Variants in FBN1 observed in about 807,000 individuals in gnomAD.
The protein encoded by FBN1 is fibrillin-1.
In FBN1, 29 loss-of-function variants were observed where a neutral mutation model predicts 365.1. That is an observed-to-expected ratio of 0.08 (90% CI 0.06 to 0.11). FBN1 has a LOEUF of 0.11. Ranked by LOEUF, FBN1 falls within the 10% of genes least tolerant of loss-of-function variation. The pLI, the probability that FBN1 is intolerant of heterozygous loss-of-function variation, is 1.00. For missense variants in FBN1, 2,476 were observed against 3,703.2 expected (o/e 0.67, Z 8.60); for synonymous variants, 1,210 against 1,270.5 (o/e 0.95, Z 1.01).
rs140630 is a variant in FBN1, at chr15:48,465,580, G to A, written c.4930C>T (p.Arg1644Ter). The A allele has an allele frequency of 6.2e-7, 1 of 1,614,062 alleles. No homozygotes were observed. Among genetic ancestry groups the A allele is most frequent in the Non-Finnish European group, 8.5e-7 (1 of 1,179,956 alleles). The change falls in exon 40 of 66, where the codon CGA (arginine) becomes TGA (stop). Residue 1644 changes from arginine to a stop codon, truncating the protein, a stop_gained. Coordinates refer to ENST00000316623, the MANE Select transcript of FBN1 (RefSeq NM_000138.5). LOFTEE classifies it high-confidence loss of function. ...PTGYYLNEDT[R>*]VCDDVNECET... ...CAGGACCATTTACCATCACACACTC[G>A]TGTATCTTCATTCAGGTAGTAGCCG...
At position 48,483,959 on chromosome 15, in the gene FBN1, C is replaced by T. The variant is rs2043485914; in HGVS notation, c.3713-16G>A. On this transcript the variant is annotated splice_polypyrimidine_tract_variant and intron_variant, in intron 30 of 65. Coordinates refer to ENST00000316623, the MANE Select transcript of FBN1 (RefSeq NM_000138.5). ...TCATCGATGTCTGCAAAGAATAAAA[C>T]CAACAACCACAGGTTGTTGATATTG... 2.5e-6 allele frequency: 4 copies of T among 1,611,316 alleles called. No homozygotes were observed. Among genetic ancestry groups the T allele is most frequent in the Non-Finnish European group, 3.4e-6 (4 of 1,179,766 alleles).
At chr15:48,550,834 A>G (rs568400090) in intron 6 of FBN1, among the ~76,000 whole-genome samples, 2 of 152,286 alleles carry the variant, frequency 1.3e-5, no homozygotes, top group South Asian at 4.2e-4. Context: ...ACTCCATGGT[A>G]AACTCTCACT....
At chr15:48,511,759 T>G (rs1454118102) in intron 13 of FBN1, among the ~76,000 whole-genome samples, 1 of 152,232 alleles carries the variant, frequency 6.6e-6, no homozygotes, top group Non-Finnish European at 1.5e-5. Context: ...AAGAAGGCAG[T>G]GCTTTAAGTA....
At chr15:48,602,537 G>A (rs1169868705) in intron 4 of FBN1, among the ~76,000 whole-genome samples, 1 of 152,180 alleles carries the variant, frequency 6.6e-6, no homozygotes, top group Non-Finnish European at 1.5e-5. Context: ...CTGAGACTTA[G>A]AAGTTGTCCA....
At position 48,495,088 on chromosome 15, in the gene FBN1, A is replaced by C. The variant is rs1462642973; in HGVS notation, c.2677+35T>G. ...CCCCTTTTTATGCAAAGACCATTGG[A>C]GTGGTATAGGAACCACAGCATGGGT... On this transcript the variant is annotated intron_variant, in intron 22 of 65. Coordinates refer to ENST00000316623, the MANE Select transcript of FBN1 (RefSeq NM_000138.5). 3.7e-6 allele frequency: 6 copies of C among 1,613,308 alleles called. No homozygotes were observed. In the South Asian group the frequency reaches 5.5e-5, roughly 15 times the overall value.
intron 6 of FBN1, among the ~76,000 whole-genome samples, chr15:48,565,356 C>T (rs983333887): frequency 6.6e-5 from 10 of 151,800 alleles, no homozygotes; most frequent in African/African-American, 2.4e-4. Flanking sequence ...TCAAAAGACA[C>T]AAAAAATTAG....
chr15:48,513,064 T>C (rs915520264), intron 13 of FBN1, among the ~76,000 whole-genome samples: 2 of 152,200 alleles, frequency 1.3e-5, no homozygotes, highest in African/African-American at 2.4e-5. Context: ...GATTCTGCAA[T>C]AGTATGTCTG....
intron 6 of FBN1, among the ~76,000 whole-genome samples, chr15:48,542,133 G>T (rs1194681157): frequency 6.6e-6 from 1 of 152,150 alleles, no homozygotes; most frequent in African/African-American, 2.4e-5. Context: ...CTCAGCTCAT[G>T]CCCAGCTCTG....
chr15:48,489,284 A>C (rs1166746411), intron 25 of FBN1, among the ~76,000 whole-genome samples: 3 of 143,008 alleles, frequency 2.1e-5, no homozygotes, highest in Non-Finnish European at 3.0e-5. Context: ...CCTGGACTCA[A>C]GTAATCTGCC....
In FBN1 at chr15:48,637,031, A is replaced by G. The variant is rs539711648; in HGVS notation, c.164+7575T>C. Among the ~76,000 whole-genome samples, 8 of 152,256 alleles carry G rather than the reference A, an allele frequency of 5.3e-5. No homozygotes were observed. In the South Asian group the frequency reaches 1.7e-3, roughly 32 times the overall value. ...TGCTACAATGACTTCGTGTATGGTA[A>G]GTTTGAATATATATGGAGGTGGGAG... On this transcript the variant is annotated intron_variant, in intron 2 of 65. Coordinates refer to ENST00000316623, the MANE Select transcript of FBN1 (RefSeq NM_000138.5).
intron 30 of FBN1, among the ~76,000 whole-genome samples, chr15:48,484,491 CCTCCCAAGTAGCTGGGATTACAGG>C (rs2043490354): frequency 6.6e-6 from 1 of 152,094 alleles, no homozygotes; most frequent in Non-Finnish European, 1.5e-5. Flanking sequence ...CCTGCCTCAG[CCTCCCAAGTAGCTGGGATTACAGG>C]CATGTGCCAC....
intron 6 of FBN1, among the ~76,000 whole-genome samples, chr15:48,554,279 C>T (rs1405860764): frequency 6.6e-6 from 1 of 152,162 alleles, no homozygotes; most frequent in African/African-American, 2.4e-5. Flanking sequence ...TCATGCCTCC[C>T]CTTTGGCCTC....
At chr15:48,551,971 T>C (rs781016136) in intron 6 of FBN1, among the ~76,000 whole-genome samples, 1 of 152,214 alleles carries the variant, frequency 6.6e-6, no homozygotes, top group Non-Finnish European at 1.5e-5. Flanking sequence ...AGCATACACA[T>C]GCATGTGTCT....
chr15:48,567,039 T>G (rs2044263029), intron 6 of FBN1, among the ~76,000 whole-genome samples: 1 of 152,108 alleles, frequency 6.6e-6, no homozygotes, highest in Non-Finnish European at 1.5e-5. Flanking sequence ...CGGAATCTGC[T>G]CTTGAACAGG....
chr15:48,607,169 A>G (rs900544559), intron 4 of FBN1, among the ~76,000 whole-genome samples: 6 of 152,198 alleles, frequency 3.9e-5, no homozygotes, highest in Non-Finnish European at 8.8e-5. Context: ...CAGAATATGA[A>G]GTTTAATTTT....
chr15:48,549,607 T>C (rs1483668711), intron 6 of FBN1, among the ~76,000 whole-genome samples: 1 of 152,222 alleles, frequency 6.6e-6, no homozygotes, highest in Non-Finnish European at 1.5e-5. Context: ...TTGGACTCAA[T>C]ACAGTGCCTT....
intron 6 of FBN1, among the ~76,000 whole-genome samples, chr15:48,576,924 T>C (rs1260506258): frequency 6.6e-6 from 1 of 152,182 alleles, no homozygotes; most frequent in African/African-American, 2.4e-5. Context: ...AATAAGCTAC[T>C]GTGTTTCCCA....
At chr15:48,643,469 TTAC>T (rs1249761213) in intron 2 of FBN1, 2 of 152,186 alleles carry the variant, frequency 1.3e-5, no homozygotes, top group Non-Finnish European at 2.9e-5. Flanking sequence ...TCTGGTGAGT[TTAC>T]TTTTTCTTCT....
intron 6 of FBN1, among the ~76,000 whole-genome samples, chr15:48,579,619 G>A (rs1343743059): frequency 1.3e-5 from 2 of 152,116 alleles, no homozygotes; most frequent in South Asian, 2.1e-4. Context: ...TGACTGAGAC[G>A]TGGACTTCTT....
Sources: gnomAD v4.1 joint callset for allele counts (sites outside exome capture counted in the v4.1 genomes callset) on GRCh38, gnomAD v4.1.1 for gene constraint, MANE v1.5 for transcripts, NCBI Gene and HGNC (gene_info 2026-07-23, HGNC 2026-07-21) for gene names.